PPP4R4: variants seen among roughly 807,000 people sequenced by gnomAD.
PPP4R4 encodes protein phosphatase 4 regulatory subunit 4, also known as serine/threonine-protein phosphatase 4 regulatory subunit 4.
PPP4R4 carries 70 observed loss-of-function variants against 121.8 expected under a neutral mutation model. That is an observed-to-expected ratio of 0.57 (90% confidence interval 0.47 to 0.70). The LOEUF is 0.70. Ranked by LOEUF, PPP4R4 falls within the 30% of genes least tolerant of loss-of-function variation. PPP4R4 has a pLI of 0.00. For synonymous variants in PPP4R4, 348 were observed against 355.7 expected, an observed-to-expected ratio of 0.98 and a Z score of 0.24; for missense variants, 875 against 1,033.6, an observed-to-expected ratio of 0.85 and a Z score of 2.10.
chr14:94,234,725 CTGTATTTG>C (rs1892234651), intron 7 of PPP4R4, 56 bp downstream of exon 7: 2 of 1,234,120 alleles, frequency 1.6e-6, no homozygotes. Context: ...CATTGAAAGG[CTGTATTTG>C]ATCTTTAAAA....
At chr14:94,271,409 A>G (rs984198797) in intron 23 of PPP4R4, among the ~76,000 whole-genome samples, 1 of 152,202 alleles carries the variant, frequency 6.6e-6, no homozygotes, top group Non-Finnish European at 1.5e-5. Context: ...CAAGGAAGAA[A>G]AATCACATGA....
intron 3 of PPP4R4, among the ~76,000 whole-genome samples, chr14:94,224,419 G>A (rs1489082099): frequency 6.6e-6 from 1 of 152,176 alleles, no homozygotes; most frequent in African/African-American, 2.4e-5. Context: ...AACCTTCAAA[G>A]TAGCTTGGAC....
At chr14:94,195,452 T>G (rs1889822961) in intron 2 of PPP4R4, among the ~76,000 whole-genome samples, 2 of 152,230 alleles carry the variant, frequency 1.3e-5, no homozygotes, top group Non-Finnish European at 2.9e-5. Context: ...AATATATTTC[T>G]GCTAAGCTCA....
chr14:94,181,161 C>T (rs1282741612), intron 2 of PPP4R4, among the ~76,000 whole-genome samples: 1 of 152,060 alleles, frequency 6.6e-6, no homozygotes, highest in African/African-American at 2.4e-5. Flanking sequence ...TCATTATTGT[C>T]TTGATTTCTG....
rs1894809452 is a variant in PPP4R4 at position 94,279,304 on chromosome 14, C to T, written c.*661C>T. The T allele has an allele frequency of 6.6e-6, 1 of 152,536 alleles. No individual in the cohort carries two copies. The highest frequency in any genetic ancestry group is 6.5e-5 in the Admixed American group (1 of 15,268). 9.4% of individuals were successfully genotyped at this position (152,536 alleles called of 1,614,324 possible). A position where few individuals can be genotyped will look rare whatever the true frequency, so the allele number is the denominator to read the frequency against. On this transcript the variant is annotated 3_prime_UTR_variant, in exon 25 of 25. Transcript: ENST00000304338. ...TTAAAAATAATAGATTGATGATTTT[C>T]TTTATTTCCTAGAGAATTTATTTTA...
chr14:94,216,586 G>A (rs1167698049), intron 3 of PPP4R4, among the ~76,000 whole-genome samples: 1 of 152,230 alleles, frequency 6.6e-6, no homozygotes, highest in Non-Finnish European at 1.5e-5. Flanking sequence ...GGAGATTGGA[G>A]AGCATCTCCC....
intron 2 of PPP4R4, among the ~76,000 whole-genome samples, chr14:94,207,744 G>A (rs1306870296): frequency 1.3e-5 from 2 of 151,154 alleles, no homozygotes; most frequent in Non-Finnish European, 3.0e-5. Context: ...AGTACTTTCA[G>A]AACTTAGGCC....
intron 14 of PPP4R4, among the ~76,000 whole-genome samples, chr14:94,249,320 A>C (rs923676510): frequency 6.6e-6 from 1 of 151,950 alleles, no homozygotes; most frequent in African/African-American, 2.4e-5. Flanking sequence ...TAAAAACCCC[A>C]CTCAAATTGT....
chr14:94,201,390 T>C (rs1890170527), intron 2 of PPP4R4, among the ~76,000 whole-genome samples: 1 of 152,222 alleles, frequency 6.6e-6, no homozygotes, highest in South Asian at 2.1e-4. Flanking sequence ...GTTGACTTTA[T>C]GTCTTGATGA....
chr14:94,265,254 A>G lies in PPP4R4; in HGVS notation c.2198-133A>G, dbSNP rs545393498. 28 of 662,576 alleles carry G rather than the reference A, an allele frequency of 4.2e-5. No individual in the cohort carries two copies. The Admixed American group carries it at 4.6e-4, about 11-fold the overall frequency. The allele number at this position is 662,576 out of a possible 1,614,324, so 41.0% of individuals were successfully genotyped here. ...AGATTGAAATATGTAAATATTACCA[A>G]GTAAGAATATTTGGAAAAGAAAGCT... On this transcript the variant is annotated intron_variant, in intron 20 of 24. Coordinates refer to ENST00000304338, the MANE Select transcript of PPP4R4 (RefSeq NM_058237.2).
At chr14:94,233,545 G>T (rs929774426) in intron 5 of PPP4R4, 108 bp from the exon 6 acceptor site, 4 of 668,906 alleles carry the variant, frequency 6.0e-6, no homozygotes, top group South Asian at 4.2e-5. Flanking sequence ...CGTAATTCAG[G>T]TTCTTTAAAA....
chr14:94,176,329 T>C (rs973119470), intron 2 of PPP4R4, among the ~76,000 whole-genome samples: 1 of 152,218 alleles, frequency 6.6e-6, no homozygotes, highest in African/African-American at 2.4e-5. Context: ...ATAAAATACC[T>C]AATTTATAGA....
chr14:94,203,179 A>G (rs1399643225), intron 2 of PPP4R4, among the ~76,000 whole-genome samples: 1 of 152,114 alleles, frequency 6.6e-6, no homozygotes, highest in Non-Finnish European at 1.5e-5. Context: ...TTGTGTAGTC[A>G]CACCTATTTC....
rs778681295 is a variant in PPP4R4 at position 94,227,321 on chromosome 14, A to G, written c.295-3266A>G. Reference sequence around the variant, plus strand: ...ATGCACACTTATTTATCCAGAGAGTATGGATCTCACATATGTTTGTCCAGA... The same window carrying G: ...ATGCACACTTATTTATCCAGAGAGTGTGGATCTCACATATGTTTGTCCAGA... On this transcript the variant is annotated intron_variant, in intron 3 of 24. Transcript: ENST00000304338. The G allele has an allele frequency of 3.1e-6, 5 of 1,612,498 alleles. No homozygotes were observed. The African/African-American group carries it at 6.7e-5, about 22-fold the overall frequency.
chr14:94,209,003 TCA>T (rs1234354849), intron 3 of PPP4R4, among the ~76,000 whole-genome samples: 2 of 151,996 alleles, frequency 1.3e-5, no homozygotes, highest in Non-Finnish European at 2.9e-5. Flanking sequence ...ATTATAGCCA[TCA>T]CAATTTTAGA....
At chr14:94,264,357 G>A (rs1035245672) in intron 19 of PPP4R4, among the ~76,000 whole-genome samples, 1 of 152,062 alleles carries the variant, frequency 6.6e-6, no homozygotes, top group East Asian at 1.9e-4. Context: ...TCATCATGTT[G>A]GCCTGGCTGG....
chr14:94,236,016 G>A (rs575762976), intron 7 of PPP4R4, among the ~76,000 whole-genome samples: 44 of 152,084 alleles, frequency 2.9e-4, no homozygotes, highest in East Asian at 5.8e-4. Flanking sequence ...TTAAGGCTCC[G>A]AAAAGGCTTT....
rs987574804 is a variant in PPP4R4 at position 94,273,725 on chromosome 14, T to C, written c.2450-1649T>C. Among the ~76,000 whole-genome samples, 3 of 152,110 alleles carry C rather than the reference T, an allele frequency of 2.0e-5. No homozygotes were observed. The South Asian group carries it at 6.2e-4, about 32-fold the overall frequency. On this transcript the variant is annotated intron_variant, in intron 23 of 24. Coordinates refer to ENST00000304338, the MANE Select transcript of PPP4R4 (RefSeq NM_058237.2). ...AATGGGAAGATATGGGAGATCTCTG[T>C]ACCTTCCACTCAATTGTGCTGTAAA...
chr14:94,226,292 G>T (rs1891694006), intron 3 of PPP4R4, among the ~76,000 whole-genome samples: 1 of 152,006 alleles, frequency 6.6e-6, no homozygotes, highest in Non-Finnish European at 1.5e-5. Context: ...TTTCCTTTAT[G>T]GAAAGAGTTC....
Sources: allele counts gnomAD v4.1 joint callset (sites outside exome capture counted in the v4.1 genomes callset), GRCh38; gene constraint gnomAD v4.1.1; transcripts MANE v1.5; gene names NCBI Gene and HGNC (gene_info 2026-07-23, HGNC 2026-07-21).